The following IL1RAPL2 variants were observed in gnomAD, a reference collection of about 807,000 sequenced individuals.
The protein encoded by IL1RAPL2 is X-linked interleukin-1 receptor accessory protein-like 2.
In IL1RAPL2, 3 loss-of-function variants were observed where a neutral mutation model predicts 44.1. That is an observed-to-expected ratio of 0.07 (90% CI 0.03 to 0.18). The LOEUF (loss-of-function observed/expected upper bound fraction) is 0.18. Among genes scored for constraint, IL1RAPL2 ranks in the 10% least tolerant of loss-of-function variants. The pLI, the probability that IL1RAPL2 is intolerant of heterozygous loss-of-function variation, is 1.00. For missense variants in IL1RAPL2, 391 were observed against 496.4 expected (o/e 0.79, Z 2.02); for synonymous variants, 181 against 178.8 (o/e 1.01, Z -0.10).
intron 9 of IL1RAPL2, among the ~76,000 whole-genome samples, chrX:105,752,237 G>A (rs1360309195): frequency 8.9e-6 from 1 of 111,739 alleles, no homozygotes; most frequent in Non-Finnish European, 1.9e-5. Flanking sequence ...TAGGTAGTAG[G>A]TATATAATAA....
At chrX:105,466,174 C>T (rs1347531549) in intron 5 of IL1RAPL2, among the ~76,000 whole-genome samples, 6 of 110,322 alleles carry the variant, frequency 5.4e-5, no homozygotes, top group Non-Finnish European at 1.1e-4. Flanking sequence ...AGGAAGCTAA[C>T]ATTTGTGGAA....
chrX:105,353,072 A>G (rs1343119061), intron 5 of IL1RAPL2, among the ~76,000 whole-genome samples: 2 of 111,416 alleles, frequency 1.8e-5, no homozygotes, highest in African/African-American at 3.3e-5. Context: ...TAGGTCTAAC[A>G]TTTAAGTCTT....
chrX:105,473,578 G>A (rs1280190953), intron 5 of IL1RAPL2, among the ~76,000 whole-genome samples: 2 of 111,695 alleles, frequency 1.8e-5, no homozygotes, highest in Admixed American at 9.5e-5. Context: ...TCCTCATTAC[G>A]GACTGTTAGC....
intron 6 of IL1RAPL2, among the ~76,000 whole-genome samples, chrX:105,647,049 C>T (rs1322776534): frequency 1.8e-5 from 2 of 112,195 alleles, no homozygotes; most frequent in Non-Finnish European, 3.8e-5. Flanking sequence ...TATTAGAAGC[C>T]GTGGCTCACG....
chrX:105,486,734 ATATCTATC>A (rs34493388), intron 6 of IL1RAPL2, among the ~76,000 whole-genome samples: 49 of 103,889 alleles, frequency 4.7e-4, no homozygotes, highest in South Asian at 2.0e-3. Context: ...CTATATATCT[ATATCTATC>A]TATCTATCTA....
chrX:104,685,603 A>G (rs1196773202), intron 2 of IL1RAPL2, among the ~76,000 whole-genome samples: 1 of 111,484 alleles, frequency 9.0e-6, no homozygotes, highest in Non-Finnish European at 1.9e-5. Flanking sequence ...TAGAGAAAAC[A>G]TGTAGAAAGA....
intron 2 of IL1RAPL2, among the ~76,000 whole-genome samples, chrX:104,699,405 C>G (rs1931236627): frequency 9.0e-6 from 1 of 111,499 alleles, no homozygotes; most frequent in Non-Finnish European, 1.9e-5. Flanking sequence ...AACCTAGATC[C>G]CTCACATGCA....
At chrX:105,354,232 G>A (rs1334651249) in intron 5 of IL1RAPL2, among the ~76,000 whole-genome samples, 1 of 110,725 alleles carries the variant, frequency 9.0e-6, no homozygotes, top group Non-Finnish European at 1.9e-5. Context: ...ATTCACAATA[G>A]CAAAGACTTG....
intron 2 of IL1RAPL2, among the ~76,000 whole-genome samples, chrX:105,113,930 T>C (rs749657355): frequency 6.2e-5 from 7 of 112,203 alleles, no homozygotes; most frequent in Admixed American, 3.8e-4. Flanking sequence ...TGCACAGCTC[T>C]ACACTGAAAT....
intron 2 of IL1RAPL2, among the ~76,000 whole-genome samples, chrX:105,012,598 T>TCTCTCTC (rs2031070079): frequency 1.9e-5 from 1 of 51,729 alleles, no homozygotes; most frequent in Admixed American, 2.6e-4. Flanking sequence ...AACTTTCTCT[T>TCTCTCTC]TCTCTCTCTC....
chrX:104,961,870 C>T (rs1025839656), intron 2 of IL1RAPL2, among the ~76,000 whole-genome samples: 12 of 111,979 alleles, frequency 1.1e-4, no homozygotes, highest in South Asian at 7.4e-4. Context: ...GAATGAATTC[C>T]GCAAGTGCTT....
intron 2 of IL1RAPL2, among the ~76,000 whole-genome samples, chrX:104,784,551 T>C (rs1017841107): frequency 6.3e-5 from 7 of 111,223 alleles, no homozygotes; most frequent in African/African-American, 2.3e-4. Flanking sequence ...ATAAAGATTG[T>C]AAACATGTTC....
At chrX:105,195,815 A>T in intron 3 of IL1RAPL2, 67 bp downstream of exon 3, 1 of 1,031,099 alleles carries the variant, frequency 9.7e-7, no homozygotes, top group Non-Finnish European at 1.4e-6. Context: ...ACTTGAGTAC[A>T]TGTAGGTATG....
chrX:105,258,319 C>A (rs966564472), intron 4 of IL1RAPL2, among the ~76,000 whole-genome samples: 1 of 111,157 alleles, frequency 9.0e-6, no homozygotes, highest in Non-Finnish European at 1.9e-5. Flanking sequence ...TGATGGTGTT[C>A]CCTTTGTAGG....
At chrX:104,962,246 A>G (rs892045065) in intron 2 of IL1RAPL2, among the ~76,000 whole-genome samples, 26 of 112,326 alleles carry the variant, frequency 2.3e-4, no homozygotes, top group Admixed American at 6.6e-4. Flanking sequence ...AGGTAAGTAA[A>G]TATACTTGGG....
Position 105,004,015 on chromosome X carries a change from C to G in IL1RAPL2, c.83-191460C>G, listed in dbSNP as rs754222102. On this transcript the variant is annotated intron_variant, in intron 2 of 10. Transcript: ENST00000372582. The stretch of plus-strand genomic sequence containing the variant: ...AGAAGGTTATAGAAATGTAAGGCAA[C>G]AAAAAGGGAAAAATCAGACATGTCA... Among the ~76,000 whole-genome samples the G allele has an allele frequency of 1.3e-4, 14 of 111,172 alleles. No individual in the cohort carries two copies. The South Asian group carries it at 5.2e-3, about 41-fold the overall frequency.
intron 6 of IL1RAPL2, among the ~76,000 whole-genome samples, chrX:105,522,587 T>C (rs2036567776): frequency 8.9e-6 from 1 of 112,455 alleles, no homozygotes; most frequent in Non-Finnish European, 1.9e-5. Context: ...GGTGTCTAGT[T>C]CAGTGGTTCT....
chrX:105,084,710 T>C (rs2032457943), intron 2 of IL1RAPL2, among the ~76,000 whole-genome samples: 1 of 111,894 alleles, frequency 8.9e-6, no homozygotes, highest in Admixed American at 9.5e-5. Flanking sequence ...AGTTAAGACT[T>C]TGGGGTACTG....
intron 8 of IL1RAPL2, among the ~76,000 whole-genome samples, chrX:105,741,321 T>C (rs1447490835): frequency 3.6e-5 from 4 of 111,789 alleles, no homozygotes; most frequent in Admixed American, 1.9e-4. Flanking sequence ...AAAACAGATA[T>C]ACGAACAACA....
Sources: gnomAD v4.1 joint callset for allele counts (sites outside exome capture counted in the v4.1 genomes callset) on GRCh38, gnomAD v4.1.1 for gene constraint, MANE v1.5 for transcripts, NCBI Gene and HGNC (gene_info 2026-07-23, HGNC 2026-07-21) for gene names.